Variants in MGAT5 observed in about 807,000 individuals in gnomAD.
MGAT5 encodes the protein alpha-1,6-mannosylglycoprotein 6-beta-N-acetylglucosaminyltransferase A.
A neutral mutation model predicts 94.3 loss-of-function variants in MGAT5; 30 were observed. That is an observed-to-expected ratio of 0.32 (90% confidence interval 0.24 to 0.43). The LOEUF (loss-of-function observed/expected upper bound fraction) is 0.43, where lower values mean the gene tolerates loss of function less well. MGAT5 is among the 20% of genes least tolerant of loss of function. The probability of loss-of-function intolerance (pLI) is 1.00; values close to 1 mark genes in which losing one functional copy is unlikely to be tolerated. For synonymous variants in MGAT5, 310 were observed against 322.9 expected, an observed-to-expected ratio of 0.96 and a Z score of 0.43; for missense variants, 691 against 905.5, an observed-to-expected ratio of 0.76 and a Z score of 3.04.
At chr2:134,392,969 A>T (rs181447833) in intron 10 of MGAT5, among the ~76,000 whole-genome samples, 3 of 152,176 alleles carry the variant, frequency 2.0e-5, no homozygotes, top group African/African-American at 4.8e-5. Context: ...GGTGTCCCCA[A>T]TCTCAGCCAT....
intron 1 of MGAT5, among the ~76,000 whole-genome samples, chr2:134,164,889 AAAAAC>A (rs1237827460): frequency 6.6e-6 from 1 of 152,124 alleles, no homozygotes; most frequent in Non-Finnish European, 1.5e-5. Context: ...ACAACAACAA[AAAAAC>A]AAAACAAACG....
intron 8 of MGAT5, among the ~76,000 whole-genome samples, chr2:134,349,026 A>G (rs2106042039): frequency 6.6e-6 from 1 of 152,336 alleles, no homozygotes. Flanking sequence ...GTGTGGCTGC[A>G]TTCAAGTACA....
At chr2:134,244,316 T>C (rs77467236) in intron 1 of MGAT5, among the ~76,000 whole-genome samples, 3,072 of 151,938 alleles carry the variant, frequency 0.02, 112 homozygotes, top group African/African-American at 0.071. Context: ...TTTTTTTTTT[T>C]AATGGCTGTC....
At chr2:134,373,065 T>A (rs980922918) in intron 10 of MGAT5, among the ~76,000 whole-genome samples, 1 of 152,220 alleles carries the variant, frequency 6.6e-6, no homozygotes, top group Non-Finnish European at 1.5e-5. Flanking sequence ...GTAATTTGCC[T>A]GGAGGCTTTT....
intron 1 of MGAT5, among the ~76,000 whole-genome samples, chr2:134,126,468 T>A (rs1211144293): frequency 6.6e-6 from 1 of 152,232 alleles, no homozygotes; most frequent in African/African-American, 2.4e-5. Context: ...TGAAATTCCC[T>A]TATTAAATTA....
chr2:134,220,661 C>T (rs1384465122), intron 1 of MGAT5, among the ~76,000 whole-genome samples: 1 of 152,210 alleles, frequency 6.6e-6, no homozygotes, highest in African/African-American at 2.4e-5. Context: ...TATGTGTATG[C>T]ACGCTGCTGC....
At chr2:134,342,630 T>C (rs1688697913) in intron 7 of MGAT5, among the ~76,000 whole-genome samples, 1 of 151,174 alleles carries the variant, frequency 6.6e-6, no homozygotes, top group African/African-American at 2.4e-5. Context: ...CCCATGCCTG[T>C]AGTCCCATCT....
intron 11 of MGAT5, among the ~76,000 whole-genome samples, chr2:134,411,617 T>C (rs1032040831): frequency 6.6e-6 from 1 of 152,246 alleles, no homozygotes; most frequent in Non-Finnish European, 1.5e-5. Context: ...ACCCATGGGC[T>C]GTGCTCAGGG....
At chr2:134,244,036 G>T (rs1463707202) in intron 1 of MGAT5, among the ~76,000 whole-genome samples, 14 of 152,184 alleles carry the variant, frequency 9.2e-5, no homozygotes, top group Non-Finnish European at 1.8e-4. Context: ...TAGATGTAGA[G>T]TGTTGCCAGA....
At chr2:134,411,724 A>G (rs1010914881) in intron 11 of MGAT5, among the ~76,000 whole-genome samples, 6 of 152,212 alleles carry the variant, frequency 3.9e-5, no homozygotes, top group Admixed American at 6.5e-5. Flanking sequence ...TAAGAGAGGA[A>G]AGCTGGTGAG....
intron 2 of MGAT5, among the ~76,000 whole-genome samples, chr2:134,296,096 G>A (rs1374030427): frequency 6.6e-6 from 1 of 152,144 alleles, no homozygotes; most frequent in Admixed American, 6.6e-5. Context: ...TAGGCCAAGA[G>A]GTGGGGTAAA....
chr2:134,232,170 G>A (rs1681404187), intron 1 of MGAT5, among the ~76,000 whole-genome samples: 2 of 152,028 alleles, frequency 1.3e-5, no homozygotes, highest in Admixed American at 1.3e-4. Flanking sequence ...AGTATTTCTA[G>A]CATTTGGTTT....
At chr2:134,138,572 A>T (rs761773484) in intron 1 of MGAT5, among the ~76,000 whole-genome samples, 1 of 152,218 alleles carries the variant, frequency 6.6e-6, no homozygotes, top group Non-Finnish European at 1.5e-5. Context: ...AGGACCTCAC[A>T]CATGCAGATG....
intron 1 of MGAT5, among the ~76,000 whole-genome samples, chr2:134,183,720 T>A (rs1365657361): frequency 6.6e-6 from 1 of 152,252 alleles, no homozygotes. Flanking sequence ...TTTTAAAAAA[T>A]AGGCTGTCTG....
At chr2:134,176,300 C>T (rs1206221073) in intron 1 of MGAT5, among the ~76,000 whole-genome samples, 1 of 150,558 alleles carries the variant, frequency 6.6e-6, no homozygotes, top group African/African-American at 2.5e-5. Context: ...AGGCTGGACA[C>T]AGTGGTTCAC....
chr2:134,228,800 C>G lies in MGAT5; in HGVS notation c.-142-25462C>G, dbSNP rs556088541. ...TGCCAGTGTGCTACCTCCCTGTGAT[C>G]AGCTTTCCTGCACCATAGAGGGCAC... On this transcript the variant is annotated intron_variant, in intron 1 of 16. Coordinates refer to the MGAT5 transcript ENST00000409645. Among the ~76,000 whole-genome samples the G allele has an allele frequency of 3.1e-4, 47 of 152,282 alleles. No homozygotes were observed. In the South Asian group the frequency reaches 9.3e-3, roughly 30 times the overall value.
intron 1 of MGAT5, among the ~76,000 whole-genome samples, chr2:134,248,979 G>A (rs1389419664): frequency 6.6e-6 from 1 of 152,038 alleles, no homozygotes; most frequent in Non-Finnish European, 1.5e-5. Flanking sequence ...TGGGCCAGGA[G>A]CCTTCTGAAG....
intron 1 of MGAT5, among the ~76,000 whole-genome samples, chr2:134,121,999 C>T (rs192721282): frequency 6.6e-6 from 1 of 152,250 alleles, no homozygotes; most frequent in Non-Finnish European, 1.5e-5. Flanking sequence ...CACCCTCCTC[C>T]CCCCGTCCTC....
chr2:134,420,395 C>T (rs1281615970), intron 12 of MGAT5, among the ~76,000 whole-genome samples: 1 of 152,178 alleles, frequency 6.6e-6, no homozygotes, highest in South Asian at 2.1e-4. Flanking sequence ...AGGAAGACAG[C>T]ACCTGTCAGA....
Sources: allele counts gnomAD v4.1 joint callset (sites outside exome capture counted in the v4.1 genomes callset), GRCh38; gene constraint gnomAD v4.1.1; transcripts MANE v1.5; gene names NCBI Gene and HGNC (gene_info 2026-07-23, HGNC 2026-07-21).